Variants in ENPP2 observed in about 807,000 individuals in gnomAD.
ENPP2 encodes the protein ectonucleotide pyrophosphatase/phosphodiesterase 2.
Under a neutral mutation model 120.2 loss-of-function variants are expected in ENPP2, and 51 were observed. That is an observed-to-expected ratio of 0.42 (90% CI 0.34 to 0.54). The LOEUF (loss-of-function observed/expected upper bound fraction) is 0.54. Ranked by LOEUF, ENPP2 falls within the 20% of genes least tolerant of loss-of-function variation. The pLI is 0.04. For synonymous variants in ENPP2, 365 were observed against 366.4 expected, an observed-to-expected ratio of 1.00 and a Z score of 0.04; for missense variants, 920 against 1,066.5, an observed-to-expected ratio of 0.86 and a Z score of 1.91.
chr8:119,601,101 C>G (rs1295162357), intron 10 of ENPP2, among the ~76,000 whole-genome samples: 1 of 152,222 alleles, frequency 6.6e-6, no homozygotes, highest in Non-Finnish European at 1.5e-5. Context: ...AGAAGCGTCT[C>G]TCTTTATACT....
At chr8:119,569,737 T>TG (rs1491132730) in intron 20 of ENPP2, among the ~76,000 whole-genome samples, 3 of 102,636 alleles carry the variant, frequency 2.9e-5, no homozygotes, top group Non-Finnish European at 5.9e-5. Flanking sequence ...AAATAGACTA[T>TG]TTATCTGTGT....
chr8:119,614,298 C>T (rs1475126136), intron 8 of ENPP2, among the ~76,000 whole-genome samples: 2 of 152,022 alleles, frequency 1.3e-5, no homozygotes, highest in Non-Finnish European at 2.9e-5. Flanking sequence ...AACTCCTGAC[C>T]TCATGATCCA....
intron 9 of ENPP2, among the ~76,000 whole-genome samples, chr8:119,602,716 C>T (rs1814403340): frequency 6.6e-6 from 1 of 152,182 alleles, no homozygotes; most frequent in African/African-American, 2.4e-5. Context: ...TCTTTCCCAA[C>T]AGGGAGCACA....
intron 15 of ENPP2, 94 bp from the exon 16 acceptor site, chr8:119,584,143 G>A (rs577413447): frequency 2.2e-5 from 18 of 809,698 alleles, no homozygotes; most frequent in Middle Eastern, 4.9e-4. Flanking sequence ...TCTAAGAAGG[G>A]GCTTTTGAAA....
At chr8:119,616,514 T>C (rs546463462) in intron 7 of ENPP2, 130 bp from the exon 8 acceptor site, 1 of 540,266 alleles carries the variant, frequency 1.9e-6, no homozygotes, top group Non-Finnish European at 3.2e-6. Flanking sequence ...ATAAGACATG[T>C]ATAACCTTCA....
Position 119,570,782 on chromosome 8 carries a change from A to G in ENPP2, c.1840T>C (p.Tyr614His), listed in dbSNP as rs780544005. ...VLYRTRYDIL[Y>H]HTDFESGYSE... Reference sequence around the variant, plus strand: ...TAACCACTTTCAAAGTCAGTGTGATATAAGATATCATATCTAGTCCGATAA... The same window carrying G: ...TAACCACTTTCAAAGTCAGTGTGATGTAAGATATCATATCTAGTCCGATAA... The change falls in exon 20 of 25, where the codon TAT becomes CAT. Residue 614 changes from tyrosine to histidine, a missense_variant. Tyr to His is a moderately conservative substitution (Grantham distance 83, BLOSUM62 2). Coordinates refer to ENST00000075322, the MANE Select transcript of ENPP2 (RefSeq NM_001040092.3). 2 of 1,593,592 alleles carry G rather than the reference A, an allele frequency of 1.3e-6. No individual in the cohort carries two copies. Among genetic ancestry groups the G allele is most frequent in the Non-Finnish European group, 8.6e-7 (1 of 1,167,382 alleles).
chr8:119,599,552 A>T (rs75543455), intron 11 of ENPP2, among the ~76,000 whole-genome samples: 3,113 of 152,334 alleles, frequency 0.02, 106 homozygotes, highest in African/African-American at 0.07. Context: ...AAAAATATTT[A>T]AAAGGTTAGA....
At chr8:119,601,914 A>C (rs1482186941) in intron 9 of ENPP2, among the ~76,000 whole-genome samples, 1 of 152,230 alleles carries the variant, frequency 6.6e-6, no homozygotes, top group African/African-American at 2.4e-5. Context: ...GCTAACAGCA[A>C]AGAACACTGT....
intron 22 of ENPP2, among the ~76,000 whole-genome samples, chr8:119,566,131 C>A (rs1814414993): frequency 6.6e-6 from 1 of 152,200 alleles, no homozygotes. Flanking sequence ...TCTGCTTTCT[C>A]CTCTATAATT....
chr8:119,672,687 G>T (rs1441750143), intron 1 of ENPP2, among the ~76,000 whole-genome samples: 1 of 152,242 alleles, frequency 6.6e-6, no homozygotes, highest in Non-Finnish European at 1.5e-5. Flanking sequence ...GTGCCGAATT[G>T]TGCACGTCAA....
chr8:119,671,550 G>A (rs1818249279), intron 1 of ENPP2, among the ~76,000 whole-genome samples: 1 of 152,078 alleles, frequency 6.6e-6, no homozygotes, highest in Middle Eastern at 3.2e-3. Context: ...GTCACCTAGG[G>A]TGATTCTGTT....
At chr8:119,618,935 C>G (rs759342724) in intron 5 of ENPP2, among the ~76,000 whole-genome samples, 12 of 151,926 alleles carry the variant, frequency 7.9e-5, no homozygotes, top group Non-Finnish European at 1.5e-4. Context: ...AAAAACAATA[C>G]TGAAAAAAAG....
chr8:119,586,863 G>A (rs1241131016), intron 14 of ENPP2, among the ~76,000 whole-genome samples, 181 bp downstream of exon 14: 2 of 152,208 alleles, frequency 1.3e-5, no homozygotes, highest in Non-Finnish European at 2.9e-5. Flanking sequence ...TAGGGAGCCT[G>A]CAGCTGACCA....
chr8:119,581,321 T>C (rs1812720017), intron 18 of ENPP2, among the ~76,000 whole-genome samples: 1 of 151,412 alleles, frequency 6.6e-6, no homozygotes, highest in Non-Finnish European at 1.5e-5. Flanking sequence ...GGGTAGTCTC[T>C]GTTTGCACCA....
chr8:119,672,480 C>T (rs1818279845), intron 1 of ENPP2, among the ~76,000 whole-genome samples: 1 of 152,162 alleles, frequency 6.6e-6, no homozygotes. Flanking sequence ...GACCCCCTCT[C>T]CGCACCTGAA....
intron 14 of ENPP2, 35 bp from the exon 15 acceptor site, chr8:119,586,348 A>G (rs1813110095): frequency 1.9e-6 from 3 of 1,607,272 alleles, no homozygotes; most frequent in Non-Finnish European, 1.7e-6. Context: ...TTCAGATGGA[A>G]TGTCTTTTGG....
chr8:119,557,296 A>G lies in ENPP2; in HGVS notation c.*225T>C. ...GCAGCACCATTTAGAAGCTTCCACT[A>G]AAAACTCAAGCTGCAGTATTTATTA... On this transcript the variant is annotated 3_prime_UTR_variant, in exon 25 of 25. Coordinates refer to ENST00000075322, the MANE Select transcript of ENPP2 (RefSeq NM_001040092.3). The G allele has an allele frequency of 2.1e-6, 1 of 466,230 alleles. No individual in the cohort carries two copies. The highest frequency in any genetic ancestry group is 3.8e-6 in the Non-Finnish European group (1 of 264,862). The allele number at this position is 466,230 out of a possible 1,614,324, so 28.9% of individuals were successfully genotyped here. A position where few individuals can be genotyped will look rare whatever the true frequency, so the allele number is the denominator to read the frequency against.
chr8:119,595,514 G>T (rs1466699817), intron 11 of ENPP2, among the ~76,000 whole-genome samples: 3 of 152,124 alleles, frequency 2.0e-5, no homozygotes, highest in African/African-American at 7.2e-5. Flanking sequence ...TTGCAGGGTT[G>T]TTCTCAAGAA....
chr8:119,611,761 C>T (rs1374367828), intron 8 of ENPP2, among the ~76,000 whole-genome samples: 1 of 152,156 alleles, frequency 6.6e-6, no homozygotes, highest in Non-Finnish European at 1.5e-5. Flanking sequence ...CGCCGTGGCT[C>T]ACACCTGTAA....
Sources: allele counts gnomAD v4.1 joint callset (sites outside exome capture counted in the v4.1 genomes callset), GRCh38; gene constraint gnomAD v4.1.1; transcripts MANE v1.5; gene names NCBI Gene and HGNC (gene_info 2026-07-23, HGNC 2026-07-21).